ERO1B: variants seen among roughly 807,000 people sequenced by gnomAD.
ERO1B encodes the protein ERO1-like protein beta.
ERO1B carries 49 observed loss-of-function variants against 75.3 expected under a neutral mutation model. The observed-to-expected ratio is 0.65, with a 90% CI of 0.52 to 0.83. The LOEUF (loss-of-function observed/expected upper bound fraction) is 0.83. Among genes scored for constraint, ERO1B ranks in the 40% least tolerant of loss-of-function variants. The pLI is 0.00. For missense variants in ERO1B, 512 were observed against 560.1 expected (o/e 0.91, Z 0.87); for synonymous variants, 191 against 192.9 (o/e 0.99, Z 0.08).
At chr1:236,219,624 A>T (rs574106769) in intron 15 of ERO1B, among the ~76,000 whole-genome samples, 30 of 152,240 alleles carry the variant, frequency 2.0e-4, no homozygotes, top group Admixed American at 3.3e-4. Flanking sequence ...ATTTTTTATG[A>T]AATACCAGTT....
At chr1:236,239,755 T>C (rs181733335) in intron 6 of ERO1B, among the ~76,000 whole-genome samples, 60 of 149,266 alleles carry the variant, frequency 4.0e-4, no homozygotes, top group Middle Eastern at 3.4e-3. Context: ...TTGGAATTCA[T>C]GAAGTTGAAC....
At position 236,269,895 on chromosome 1, in the gene ERO1B, CT is replaced by C; in HGVS notation, c.201del (p.Asp68ThrfsTer10). On this transcript the variant is annotated frameshift_variant, in exon 2 of 16. Transcript: ENST00000354619. LOFTEE classifies it high-confidence loss of function. ...IFPKIKKLQE[R>X]DYFRYYKVNL... ...CTTACCTTGTAATAACGAAAATAGT[CT>C]CTCTCTTGCAATTTTTTTATTTTGG... 6.3e-7 allele frequency: 1 copy of C among 1,591,722 alleles called. No homozygotes were observed. Among genetic ancestry groups the C allele is most frequent in the East Asian group, 2.2e-5 (1 of 44,628 alleles).
At chr1:236,258,497 C>T (rs929945396) in intron 2 of ERO1B, among the ~76,000 whole-genome samples, 21 of 152,086 alleles carry the variant, frequency 1.4e-4, no homozygotes, top group African/African-American at 2.7e-4. Context: ...TCAGACAAAA[C>T]GTAAGGAAAT....
intron 9 of ERO1B, among the ~76,000 whole-genome samples, chr1:236,231,743 G>A (rs2102943457): frequency 6.6e-6 from 1 of 152,224 alleles, no homozygotes; most frequent in East Asian, 1.9e-4. Flanking sequence ...TTTGCCTCCT[G>A]AGAGTCTTCA....
Position 236,221,936 on chromosome 1 carries a change from C to T in ERO1B, c.1197G>A (p.Trp399Ter), listed in dbSNP as rs865795055. ...DCVGCDKCRL[W>*]GKLQTQGLGT... ...ACAACACATATACCTGTAATTTTCC[C>T]CATAATCTGCATTTGTCACATCCAA... is the stretch of plus-strand genomic sequence containing the variant. Residue 399 changes from tryptophan (W) to a stop codon, truncating the protein, a stop_gained, in exon 14 of 16, where the codon TGG (tryptophan) becomes TGA (stop). Transcript: ENST00000354619. LOFTEE classifies it high-confidence loss of function. 2 of 1,613,066 alleles carry T rather than the reference C, an allele frequency of 1.2e-6. No individual in the cohort carries two copies.
chr1:236,235,822 A>C lies in ERO1B; in HGVS notation c.640T>G (p.Tyr214Asp), dbSNP rs777270098. The change falls in exon 8 of 16, where the codon TAT (tyrosine) becomes GAT (aspartate). Residue 214 changes from tyrosine to aspartate, a missense_variant. By Grantham distance (160) the Tyr-to-Asp change is radical. Coordinates refer to ENST00000354619, the MANE Select transcript of ERO1B (RefSeq NM_019891.4). Reference sequence around the variant, plus strand: ...GGCGCCAGAGGATTTAAAGGACGATAAACAGATCGAGGCCTGAAAAAGAAA... The same window carrying C: ...GGCGCCAGAGGATTTAAAGGACGATCAACAGATCGAGGCCTGAAAAAGAAA... ...EENCFKPRSVYRPLNPLAPSR... is the reference protein window; with the variant it reads ...EENCFKPRSVDRPLNPLAPSR... 1 of 1,613,192 alleles carries C rather than the reference A, an allele frequency of 6.2e-7. No individual in the cohort carries two copies. The highest frequency in any genetic ancestry group is 8.5e-7 in the Non-Finnish European group (1 of 1,179,630).
chr1:236,225,669 C>T (rs901296490), intron 12 of ERO1B, among the ~76,000 whole-genome samples: 2 of 152,272 alleles, frequency 1.3e-5, no homozygotes, highest in Non-Finnish European at 2.9e-5. Context: ...GCGCGATGGC[C>T]CATGCCTCTA....
chr1:236,264,434 T>A (rs1369794308), intron 2 of ERO1B, among the ~76,000 whole-genome samples: 1 of 152,188 alleles, frequency 6.6e-6, no homozygotes, highest in Non-Finnish European at 1.5e-5. Context: ...TAAATGGAAA[T>A]AGTTATACTT....
intron 8 of ERO1B, among the ~76,000 whole-genome samples, chr1:236,234,938 A>C (rs1181999468): frequency 1.3e-5 from 2 of 152,228 alleles, no homozygotes; most frequent in Non-Finnish European, 2.9e-5. Flanking sequence ...TGTTTCTAAT[A>C]GCCACATTTT....
At chr1:236,268,083 C>T (rs1665491876) in intron 2 of ERO1B, 1 of 152,188 alleles carries the variant, frequency 6.6e-6, no homozygotes, top group South Asian at 2.1e-4. Context: ...ATGAAATATG[C>T]TTTCCTAAAG....
rs1333242389 is a variant in ERO1B, at chr1:236,226,332, G to C, written c.989C>G (p.Thr330Ser). 1.2e-6 allele frequency: 2 copies of C among 1,614,056 alleles called. No homozygotes were observed. The highest frequency in any genetic ancestry group is 8.5e-7 in the Non-Finnish European group (1 of 1,179,968). Residue 330 changes from threonine to serine, a missense_variant, in exon 12 of 16, where the codon ACT becomes AGT. Thr to Ser is a moderately conservative substitution (Grantham distance 58). Transcript: ENST00000354619. ...GTCAGCATCTTCTTCTGCATTTCCA[G>C]TGTAAAGATCGACAATTGAGCGCTC... ...YFERSIVDLY[T>S]GNAEEDADTK...
At chr1:236,227,371 T>C (rs1454170085) in intron 10 of ERO1B, among the ~76,000 whole-genome samples, 1 of 152,160 alleles carries the variant, frequency 6.6e-6, no homozygotes, top group Admixed American at 6.5e-5. Context: ...ACAGGGGCTT[T>C]TTTGCTGAGA....
At chr1:236,271,823 T>A (rs1572069634) in intron 1 of ERO1B, among the ~76,000 whole-genome samples, 1 of 152,292 alleles carries the variant, frequency 6.6e-6, no homozygotes, top group East Asian at 1.9e-4. Flanking sequence ...CTAAACAATA[T>A]GCTTGAGTTT....
intron 10 of ERO1B, among the ~76,000 whole-genome samples, chr1:236,229,396 G>T (rs1664348685): frequency 6.6e-6 from 1 of 151,068 alleles, no homozygotes; most frequent in Admixed American, 6.6e-5. Flanking sequence ...CTGCACTCCA[G>T]CCTGGGCAAC....
Position 236,255,591 on chromosome 1 carries a change from G to A in ERO1B, c.223-2086C>T, listed in dbSNP as rs559433582. Reference sequence around the variant, plus strand: ...ACAATATCTATATTACAGAGAAGAAGGCAAAAATAGGTAGATTGGCAACAT... The same window carrying A: ...ACAATATCTATATTACAGAGAAGAAAGCAAAAATAGGTAGATTGGCAACAT... On this transcript the variant is annotated intron_variant, in intron 2 of 15. Transcript: ENST00000354619. Among the ~76,000 whole-genome samples the A allele has an allele frequency of 5.6e-4, 85 of 152,216 alleles. No individual in the cohort carries two copies. The South Asian group carries it at 0.017, about 30-fold the overall frequency.
chr1:236,268,371 C>T (rs1024277779), intron 2 of ERO1B, among the ~76,000 whole-genome samples: 5 of 151,092 alleles, frequency 3.3e-5, no homozygotes, highest in South Asian at 2.1e-4. Context: ...AGCCAGGAGG[C>T]GGAGGTTGCA....
chr1:236,266,032 A>G (rs775025738), intron 2 of ERO1B, among the ~76,000 whole-genome samples: 4 of 152,138 alleles, frequency 2.6e-5, no homozygotes, highest in Non-Finnish European at 4.4e-5. Flanking sequence ...ACTTTTCTCC[A>G]TAGAATTTAC....
intron 8 of ERO1B, among the ~76,000 whole-genome samples, chr1:236,234,233 C>T (rs1664484420): frequency 6.6e-6 from 1 of 152,062 alleles, no homozygotes; most frequent in Non-Finnish European, 1.5e-5. Flanking sequence ...CTCCTCTTCC[C>T]TTCCTCTTTT....
At chr1:236,269,611 C>A (rs1288418693) in intron 2 of ERO1B, among the ~76,000 whole-genome samples, 1 of 152,166 alleles carries the variant, frequency 6.6e-6, no homozygotes, top group East Asian at 1.9e-4. Flanking sequence ...CAAAGTAAGT[C>A]TGTGGCATTT....
Sources: gnomAD v4.1 joint callset for allele counts (sites outside exome capture counted in the v4.1 genomes callset) on GRCh38, gnomAD v4.1.1 for gene constraint, MANE v1.5 for transcripts, NCBI Gene and HGNC (gene_info 2026-07-23, HGNC 2026-07-21) for gene names.